The following SHISA9 variants were observed in gnomAD, a reference collection of about 807,000 sequenced individuals.
The protein encoded by SHISA9 is protein shisa-9.
Under a neutral mutation model 38.0 loss-of-function variants are expected in SHISA9, and 13 were observed. The ratio of observed to expected loss-of-function variants is 0.34; its 90% CI spans 0.22 to 0.54. The LOEUF (loss-of-function observed/expected upper bound fraction) is 0.54, where lower values mean the gene tolerates loss of function less well. Ranked by LOEUF, SHISA9 falls within the 20% of genes least tolerant of loss-of-function variation. The pLI is 0.91. For missense variants in SHISA9, 538 were observed against 575.8 expected, an observed-to-expected ratio of 0.93 and a Z score of 0.67; for synonymous variants, 275 against 242.0, an observed-to-expected ratio of 1.14 and a Z score of -1.27.
intron 2 of SHISA9, among the ~76,000 whole-genome samples, chr16:13,144,537 T>C (rs939891277): frequency 6.6e-6 from 1 of 152,142 alleles, no homozygotes; most frequent in African/African-American, 2.4e-5. Context: ...TCTGAGTTCT[T>C]TGGGATCACC....
chr16:13,524,604 A>G, the SHISA9 span, among the ~76,000 whole-genome samples: 2 of 152,114 alleles, frequency 1.3e-5, no homozygotes, highest in African/African-American at 4.8e-5. Context: ...TGTCACCCAG[A>G]CTGGAGTGTA....
At chr16:13,081,192 T>G (rs1205825835) in intron 2 of SHISA9, among the ~76,000 whole-genome samples, 2 of 152,212 alleles carry the variant, frequency 1.3e-5, no homozygotes, top group Non-Finnish European at 2.9e-5. Flanking sequence ...TTGCTGTACC[T>G]AGGGATGGAT....
the SHISA9 span, among the ~76,000 whole-genome samples, chr16:13,460,560 T>A: frequency 2.0e-3 from 308 of 152,294 alleles, 1 homozygote; most frequent in African/African-American, 7.3e-3. Context: ...TTCTAGTAGT[T>A]TGTGTTTTTA....
At chr16:13,217,779 C>T (rs1015885339) in intron 4 of SHISA9, among the ~76,000 whole-genome samples, 3 of 152,140 alleles carry the variant, frequency 2.0e-5, no homozygotes, top group Non-Finnish European at 4.4e-5. Flanking sequence ...CCTGTAATCC[C>T]AGCACTTTGG....
At chr16:13,025,249 C>G (rs2072906743) in intron 2 of SHISA9, among the ~76,000 whole-genome samples, 1 of 152,146 alleles carries the variant, frequency 6.6e-6, no homozygotes, top group South Asian at 2.1e-4. Context: ...CAGTAATTTT[C>G]AACATTTGTT....
At chr16:13,524,260 G>C in the SHISA9 span, among the ~76,000 whole-genome samples, 1 of 152,154 alleles carries the variant, frequency 6.6e-6, no homozygotes. Context: ...GGCTGTCCTG[G>C]TTTCTTGGGC....
chr16:12,963,822 C>T (rs1316552565), intron 2 of SHISA9, among the ~76,000 whole-genome samples: 1 of 152,098 alleles, frequency 6.6e-6, no homozygotes, highest in Non-Finnish European at 1.5e-5. Flanking sequence ...AAAATTTAGC[C>T]CCGAGTTAGC....
chr16:13,365,530 C>A, the SHISA9 span, among the ~76,000 whole-genome samples: 6 of 144,584 alleles, frequency 4.1e-5, no homozygotes, highest in Admixed American at 2.9e-4. Context: ...GATCTTGGCT[C>A]ACTGCAACCT....
At chr16:13,036,528 T>C (rs914900726) in intron 2 of SHISA9, among the ~76,000 whole-genome samples, 4 of 152,184 alleles carry the variant, frequency 2.6e-5, no homozygotes, top group African/African-American at 9.6e-5. Context: ...GATGGAAATA[T>C]TCTGTATCTT....
chr16:13,333,172 A>G, the SHISA9 span, among the ~76,000 whole-genome samples: 5 of 152,126 alleles, frequency 3.3e-5, no homozygotes, highest in African/African-American at 1.2e-4. Context: ...TGCAATTGGA[A>G]CATCCATACA....
chr16:13,462,588 C>T, the SHISA9 span, among the ~76,000 whole-genome samples: 3 of 152,142 alleles, frequency 2.0e-5, no homozygotes, highest in Non-Finnish European at 4.4e-5. Flanking sequence ...CTTTGGGAGG[C>T]AGAGGCAGGC....
chr16:12,918,627 G>A (rs779197943), intron 2 of SHISA9, among the ~76,000 whole-genome samples: 2 of 152,134 alleles, frequency 1.3e-5, no homozygotes, highest in Admixed American at 1.3e-4. Flanking sequence ...AGTCTCTTGC[G>A]CCAGGCTGCT....
At chr16:13,382,051 GATAAT>G in the SHISA9 span, among the ~76,000 whole-genome samples, 50 of 152,234 alleles carry the variant, frequency 3.3e-4, no homozygotes, top group African/African-American at 1.2e-3. Flanking sequence ...TTTAAAGTTT[GATAAT>G]ATAATCAGGG....
chr16:13,216,383 A>G (rs2051169513), intron 4 of SHISA9, among the ~76,000 whole-genome samples: 2 of 152,122 alleles, frequency 1.3e-5, no homozygotes, highest in Non-Finnish European at 2.9e-5. Flanking sequence ...AAGGTGTTGA[A>G]AACACGTGTC....
At chr16:12,938,336 C>T (rs2071560933) in intron 2 of SHISA9, among the ~76,000 whole-genome samples, 1 of 152,198 alleles carries the variant, frequency 6.6e-6, no homozygotes, top group Non-Finnish European at 1.5e-5. Flanking sequence ...TCTTGCTAGA[C>T]AAGTCTTACA....
At chr16:12,970,439 A>T (rs58345366) in intron 2 of SHISA9, among the ~76,000 whole-genome samples, 1 of 49,522 alleles carries the variant, frequency 2.0e-5, no homozygotes, top group South Asian at 5.1e-4. Flanking sequence ...ATATATATAT[A>T]CACACATATA....
chr16:13,289,431 G>A, the SHISA9 span, among the ~76,000 whole-genome samples: 3 of 152,030 alleles, frequency 2.0e-5, no homozygotes, highest in Admixed American at 6.6e-5. Context: ...TGTTCTTTGG[G>A]TCAGGGTTCT....
intron 4 of SHISA9, among the ~76,000 whole-genome samples, chr16:13,215,586 T>C (rs1157260643): frequency 6.6e-6 from 1 of 152,210 alleles, no homozygotes; most frequent in African/African-American, 2.4e-5. Context: ...GCAGCCTGCA[T>C]TTCTGTCCTT....
intron 4 of SHISA9, among the ~76,000 whole-genome samples, chr16:13,217,230 A>G (rs2051178642): frequency 6.6e-6 from 1 of 152,026 alleles, no homozygotes; most frequent in Non-Finnish European, 1.5e-5. Context: ...GTGAGCAGAG[A>G]TCTTGCCACT....
Sources: allele counts gnomAD v4.1 joint callset (sites outside exome capture counted in the v4.1 genomes callset), GRCh38; gene constraint gnomAD v4.1.1; transcripts MANE v1.5; gene names NCBI Gene and HGNC (gene_info 2026-07-23, HGNC 2026-07-21).